FAM13A: variants seen among roughly 807,000 people sequenced by gnomAD.
The protein encoded by FAM13A is protein FAM13A.
In FAM13A, 76 loss-of-function variants were observed where a neutral mutation model predicts 129.6. The observed-to-expected ratio is 0.59, with a 90% CI of 0.49 to 0.71. FAM13A has a LOEUF of 0.71. FAM13A is among the 30% of genes least tolerant of loss of function. FAM13A has a pLI of 0.00. For missense variants in FAM13A, 1,108 were observed against 1,249.3 expected, an observed-to-expected ratio of 0.89 and a Z score of 1.70; for synonymous variants, 443 against 449.9, an observed-to-expected ratio of 0.98 and a Z score of 0.20.
intron 1 of FAM13A, among the ~76,000 whole-genome samples, chr4:89,045,274 A>C (rs954693225): frequency 4.6e-5 from 7 of 152,310 alleles, no homozygotes; most frequent in Non-Finnish European, 8.8e-5. Flanking sequence ...AATTATAAGA[A>C]CACAAAGAAG....
chr4:88,731,818 C>T (rs1737875541), intron 22 of FAM13A, 184 bp downstream of exon 22: 5 of 550,964 alleles, frequency 9.1e-6, no homozygotes, highest in Non-Finnish European at 1.6e-5. Flanking sequence ...AAAGTTCCCT[C>T]AAATAACATG....
chr4:88,814,392 C>CAG lies in FAM13A; in HGVS notation c.1008-9342_1008-9341dup, dbSNP rs146119872. Reference sequence around the variant, plus strand: ...CACAGGAGGAGAACTATGAGAGAGACAGAGAGAGAGAGAAGAGAGAATGTG... The same window carrying CAG: ...CACAGGAGGAGAACTATGAGAGAGACAGAGAGAGAGAGAGAAGAGAGAATGTG... On this transcript the variant is annotated intron_variant, in intron 7 of 23. Coordinates refer to ENST00000264344, the MANE Select transcript of FAM13A (RefSeq NM_014883.4). Among the ~76,000 whole-genome samples the CAG allele has an allele frequency of 7.7e-3, 1,165 of 151,598 alleles. 14 individuals carry two copies. Among genetic ancestry groups the CAG allele is most frequent in the African/African-American group, 0.026 (1,095 of 41,398 alleles).
chr4:88,731,547 C>T (rs1737793703), intron 22 of FAM13A, 119 bp from the exon 23 acceptor site: 1 of 594,884 alleles, frequency 1.7e-6, no homozygotes, highest in Admixed American at 3.2e-5. Flanking sequence ...GCAGAAACTG[C>T]TGAGAGCATT....
chr4:88,906,164 T>G (rs1306292892), intron 6 of FAM13A, among the ~76,000 whole-genome samples: 1 of 152,158 alleles, frequency 6.6e-6, no homozygotes. Flanking sequence ...GGTGCGCACC[T>G]TTAGTCCGAG....
chr4:88,875,654 A>G (rs1310678648), intron 6 of FAM13A, among the ~76,000 whole-genome samples: 4 of 152,212 alleles, frequency 2.6e-5, no homozygotes, highest in Admixed American at 2.6e-4. Flanking sequence ...GGTGCTGGAG[A>G]GAATGTGGAG....
chr4:88,829,992 C>T (rs548052226), intron 7 of FAM13A, among the ~76,000 whole-genome samples: 2 of 152,258 alleles, frequency 1.3e-5, no homozygotes, highest in South Asian at 4.1e-4. Flanking sequence ...CCTTTCTTCT[C>T]ACCTGAGGTT....
At chr4:88,888,983 AAC>A (rs1403375127) in intron 6 of FAM13A, among the ~76,000 whole-genome samples, 1 of 151,906 alleles carries the variant, frequency 6.6e-6, no homozygotes, top group African/African-American at 2.4e-5. Context: ...GACTTTCATG[AAC>A]AGTAGGAAAG....
At chr4:88,869,534 T>C (rs1290762418) in intron 6 of FAM13A, among the ~76,000 whole-genome samples, 2 of 152,206 alleles carry the variant, frequency 1.3e-5, no homozygotes, top group African/African-American at 4.8e-5. Flanking sequence ...AAAAGAAAGG[T>C]AGATTCCTTC....
At chr4:88,750,760 AT>A in intron 14 of FAM13A, 123 bp from the exon 15 acceptor site, 1 of 688,788 alleles carries the variant, frequency 1.5e-6, no homozygotes, top group Non-Finnish European at 2.5e-6. Flanking sequence ...ATCGTTTCTC[AT>A]TTTACAGCTA....
At chr4:88,889,124 T>A (rs947515363) in intron 6 of FAM13A, among the ~76,000 whole-genome samples, 1 of 152,058 alleles carries the variant, frequency 6.6e-6, no homozygotes, top group African/African-American at 2.4e-5. Context: ...GAAAACAGAA[T>A]TTAGGTCTAA....
At chr4:88,930,758 T>A (rs1319150505) in intron 5 of FAM13A, among the ~76,000 whole-genome samples, 3 of 152,070 alleles carry the variant, frequency 2.0e-5, no homozygotes, top group African/African-American at 4.8e-5. Context: ...TGAAGTGGTA[T>A]GGGTGATGGC....
At chr4:88,788,145 C>T (rs567883324) in intron 9 of FAM13A, among the ~76,000 whole-genome samples, 1 of 152,322 alleles carries the variant, frequency 6.6e-6, no homozygotes, top group Admixed American at 6.5e-5. Flanking sequence ...GCCAATTTAA[C>T]AACTTTCTCA....
At chr4:89,000,847 C>A (rs571617307) in intron 3 of FAM13A, among the ~76,000 whole-genome samples, 1 of 152,186 alleles carries the variant, frequency 6.6e-6, no homozygotes, top group Non-Finnish European at 1.5e-5. Context: ...TAATATCCCA[C>A]TAAAATGACA....
At chr4:88,908,035 C>T (rs1417498358) in intron 5 of FAM13A, among the ~76,000 whole-genome samples, 1 of 152,230 alleles carries the variant, frequency 6.6e-6, no homozygotes, top group Admixed American at 6.5e-5. Context: ...GGATTGGAAG[C>T]CTCTTCTAAG....
intron 6 of FAM13A, among the ~76,000 whole-genome samples, chr4:88,882,600 G>GAAA (rs61001135): frequency 7.3e-6 from 1 of 137,132 alleles, no homozygotes; most frequent in Non-Finnish European, 1.6e-5. Flanking sequence ...AAACACAATG[G>GAAA]AAAAAAAAAA....
chr4:88,806,195 T>C (rs943457477), intron 7 of FAM13A, among the ~76,000 whole-genome samples: 3 of 152,146 alleles, frequency 2.0e-5, no homozygotes, highest in Non-Finnish European at 2.9e-5. Flanking sequence ...CTATATTATG[T>C]ACATCATTAA....
intron 7 of FAM13A, among the ~76,000 whole-genome samples, chr4:88,817,527 C>T (rs376971764): frequency 9.4e-4 from 142 of 151,502 alleles, no homozygotes; most frequent in African/African-American, 2.6e-3. Context: ...CGTGCCACTG[C>T]ACTCCAGCCT....
chr4:88,948,682 T>A (rs945325344), intron 4 of FAM13A, among the ~76,000 whole-genome samples: 1 of 151,408 alleles, frequency 6.6e-6, no homozygotes, highest in Non-Finnish European at 1.5e-5. Flanking sequence ...AGAGGCGGGG[T>A]TTCACCATGT....
chr4:88,882,432 GTCTTTTTCAGACAATACAA>G (rs1743736803), intron 6 of FAM13A, among the ~76,000 whole-genome samples: 1 of 151,990 alleles, frequency 6.6e-6, no homozygotes. Flanking sequence ...ATGCTGTATT[GTCTTTTTCAGACAATACAA>G]TCTTTTTCAG....
Sources: gnomAD v4.1 joint callset for allele counts (sites outside exome capture counted in the v4.1 genomes callset) on GRCh38, gnomAD v4.1.1 for gene constraint, MANE v1.5 for transcripts, NCBI Gene and HGNC (gene_info 2026-07-23, HGNC 2026-07-21) for gene names.